KLHL1: variants seen among roughly 807,000 people sequenced by gnomAD.
KLHL1 encodes the protein kelch like family member 1.
In KLHL1, 47 loss-of-function variants were observed where a neutral mutation model predicts 77.7. The observed-to-expected ratio is 0.60, with a 90% CI of 0.48 to 0.77. KLHL1 has a LOEUF of 0.77. KLHL1 is among the 30% of genes least tolerant of loss of function. KLHL1 has a pLI of 0.00. For synonymous variants in KLHL1, 360 were observed against 325.2 expected, an observed-to-expected ratio of 1.11 and a Z score of -1.15; for missense variants, 925 against 910.8, an observed-to-expected ratio of 1.02 and a Z score of -0.20.
chr13:69,756,821 G>A (rs1874765725), intron 7 of KLHL1, among the ~76,000 whole-genome samples: 1 of 152,044 alleles, frequency 6.6e-6, no homozygotes, highest in African/African-American at 2.4e-5. Context: ...ATAATTCAAA[G>A]ATAATCCACA....
At chr13:70,070,251 G>A (rs1887108629) in intron 1 of KLHL1, among the ~76,000 whole-genome samples, 1 of 151,650 alleles carries the variant, frequency 6.6e-6, no homozygotes, top group African/African-American at 2.4e-5. Context: ...AGGCATATAA[G>A]AGAAAAGCAA....
intron 4 of KLHL1, among the ~76,000 whole-genome samples, chr13:69,891,192 T>C (rs1370124314): frequency 6.6e-6 from 1 of 152,128 alleles, no homozygotes; most frequent in Non-Finnish European, 1.5e-5. Context: ...CAAAATTACC[T>C]AGATACAACT....
At chr13:69,998,287 CTGATAGGAATGATCTAT>C (rs551182041) in intron 1 of KLHL1, among the ~76,000 whole-genome samples, 1 of 152,118 alleles carries the variant, frequency 6.6e-6, no homozygotes, top group East Asian at 1.9e-4. Flanking sequence ...ATATTAATGA[CTGATAGGAATGATCTAT>C]TGATTCTCTA....
At chr13:69,910,379 C>A (rs1181113611) in intron 4 of KLHL1, among the ~76,000 whole-genome samples, 1 of 152,038 alleles carries the variant, frequency 6.6e-6, no homozygotes, top group East Asian at 1.9e-4. Context: ...CTAGTCATTT[C>A]TTGTCTAATT....
intron 9 of KLHL1, 104 bp from the exon 10 acceptor site, chr13:69,707,900 T>A: frequency 1.2e-6 from 1 of 804,280 alleles, no homozygotes; most frequent in Non-Finnish European, 1.9e-6. Flanking sequence ...GGAAACTACC[T>A]TTTTTTTTCT....
chr13:69,813,799 T>C (rs1449372163), intron 6 of KLHL1, among the ~76,000 whole-genome samples: 1 of 152,122 alleles, frequency 6.6e-6, no homozygotes, highest in Non-Finnish European at 1.5e-5. Context: ...GAAGAATCAA[T>C]ATCATTAAAA....
intron 2 of KLHL1, among the ~76,000 whole-genome samples, chr13:69,973,473 T>C (rs1163671720): frequency 3.3e-5 from 5 of 151,648 alleles, no homozygotes; most frequent in African/African-American, 1.2e-4. Context: ...TTATATTATT[T>C]GATATTATTA....
At chr13:69,874,933 T>C (rs1304092816) in intron 5 of KLHL1, among the ~76,000 whole-genome samples, 1 of 152,098 alleles carries the variant, frequency 6.6e-6, no homozygotes, top group East Asian at 1.9e-4. Flanking sequence ...CTTGAATCTG[T>C]TTTTCAGAAG....
rs181498853 is a variant in KLHL1 at position 69,702,293 on chromosome 13, T to G, written c.2188-532A>C. 2.5e-3 allele frequency among the ~76,000 whole-genome samples: 374 copies of G among 151,866 alleles called. 3 individuals are homozygous for G. The highest frequency in any genetic ancestry group is 3.6e-3 in the Non-Finnish European group (247 of 67,676). ...AATTGCTATATGCTTATTAAAAATT[T>G]TCCATCTTATGACAATCACTGAAAT... On this transcript the variant is annotated intron_variant, in intron 10 of 10. Transcript: ENST00000377844.
intron 4 of KLHL1, among the ~76,000 whole-genome samples, chr13:69,922,865 A>G (rs1375047894): frequency 1.3e-5 from 2 of 152,214 alleles, no homozygotes; most frequent in Non-Finnish European, 2.9e-5. Context: ...TTTCATGGAA[A>G]GTTACTAGAG....
chr13:69,912,836 C>A (rs1182246290), intron 4 of KLHL1, among the ~76,000 whole-genome samples: 1 of 152,092 alleles, frequency 6.6e-6, no homozygotes, highest in Non-Finnish European at 1.5e-5. Flanking sequence ...CTGCTTGAGT[C>A]CTGCTGGGAG....
At chr13:69,929,608 ATAT>A (rs1309729544) in intron 4 of KLHL1, among the ~76,000 whole-genome samples, 2 of 151,842 alleles carry the variant, frequency 1.3e-5, no homozygotes, top group African/African-American at 4.8e-5. Context: ...ATCATCTCAT[ATAT>A]TATTTTAAAA....
At position 69,882,326 on chromosome 13, in the gene KLHL1, C is replaced by T. The variant is rs751962103; in HGVS notation, c.1184G>A (p.Ser395Asn). Residue 395 changes from serine (S) to asparagine (N), a missense_variant, in exon 5 of 11, where the codon AGC (serine) becomes AAC (asparagine). Transcript: ENST00000377844. ...CAGTCTTATAAAGGCAAGAAGCATG[C>T]TCAGGTCATTGCATCTACTCTGCAT... is the stretch of plus-strand genomic sequence containing the variant. The part of the protein sequence containing the change: ...YDMQSRCNDL[S>N]MLLAFIRLPL... The T allele has an allele frequency of 3.1e-6, 5 of 1,613,994 alleles. No homozygotes were observed. The South Asian group carries it at 5.5e-5, about 18-fold the overall frequency.
At chr13:70,088,618 C>T (rs937112232) in intron 1 of KLHL1, among the ~76,000 whole-genome samples, 22 of 152,090 alleles carry the variant, frequency 1.4e-4, no homozygotes, top group African/African-American at 5.3e-4. Flanking sequence ...AGGAGTTGGA[C>T]GTTATAGTCA....
chr13:69,995,793 T>C (rs891844152), intron 1 of KLHL1, among the ~76,000 whole-genome samples: 8 of 152,088 alleles, frequency 5.3e-5, no homozygotes, highest in African/African-American at 1.4e-4. Context: ...ACCAGATGAA[T>C]AGGCTAAACC....
chr13:69,890,406 A>G (rs897341653), intron 4 of KLHL1, among the ~76,000 whole-genome samples: 12 of 152,022 alleles, frequency 7.9e-5, no homozygotes, highest in African/African-American at 2.9e-4. Context: ...AATTTAATTT[A>G]CATTCCATAC....
chr13:69,974,551 T>C (rs1015280273), intron 2 of KLHL1, among the ~76,000 whole-genome samples: 1 of 151,912 alleles, frequency 6.6e-6, no homozygotes, highest in Non-Finnish European at 1.5e-5. Flanking sequence ...GACTACAAGA[T>C]TGAAGAAATT....
At chr13:69,828,134 AC>A (rs1365953588) in intron 6 of KLHL1, among the ~76,000 whole-genome samples, 1 of 150,272 alleles carries the variant, frequency 6.7e-6, no homozygotes, top group Non-Finnish European at 1.5e-5. Flanking sequence ...TAGCAGGAAA[AC>A]CAAAGGAATT....
intron 4 of KLHL1, 24 bp downstream of exon 4, chr13:69,940,016 T>G: frequency 6.5e-7 from 1 of 1,544,100 alleles, no homozygotes. Flanking sequence ...GTGTCTCCAT[T>G]ATTAAAACAT....
Sources: allele counts gnomAD v4.1 joint callset (sites outside exome capture counted in the v4.1 genomes callset), GRCh38; gene constraint gnomAD v4.1.1; transcripts MANE v1.5; gene names NCBI Gene and HGNC (gene_info 2026-07-23, HGNC 2026-07-21).